The following ATP8A2 variants were observed in gnomAD, a reference collection of about 807,000 sequenced individuals.
The protein encoded by ATP8A2 is phospholipid-transporting ATPase IB.
A neutral mutation model predicts 165.6 loss-of-function variants in ATP8A2; 100 were observed. The ratio of observed to expected loss-of-function variants is 0.60; its 90% confidence interval spans 0.51 to 0.71. The LOEUF (loss-of-function observed/expected upper bound fraction) is 0.71, where lower values mean the gene tolerates loss of function less well. Among genes scored for constraint, ATP8A2 ranks in the 30% least tolerant of loss-of-function variants. The pLI is 0.00. For missense variants in ATP8A2, 1,227 were observed against 1,479.5 expected (o/e 0.83, Z 2.80); for synonymous variants, 543 against 548.8 (o/e 0.99, Z 0.15).
Position 25,559,734 on chromosome 13 carries a change from T to A in ATP8A2, c.1366T>A (p.Leu456Met). The A allele has an allele frequency of 6.2e-7, 1 of 1,613,704 alleles. No homozygotes were observed. The highest frequency in any genetic ancestry group is 2.2e-5 in the East Asian group (1 of 44,868). ...AGVTYGHFPELAREPSSDDFC... is the reference protein window; with the variant it reads ...AGVTYGHFPEMAREPSSDDFC... ...TTTCTCTGGCAGTCACTTCCCAGAA[T>A]TGGCAAGAGAGCCGTCTTCAGATGA... is the stretch of plus-strand genomic sequence containing the variant. The change falls in exon 15 of 37, where the codon TTG (leucine) becomes ATG (methionine). Residue 456 changes from leucine (L) to methionine (M), a missense_variant. Physicochemically the swap from Leu to Met is conservative, Grantham distance 15. Transcript: ENST00000381655.
intron 24 of ATP8A2, among the ~76,000 whole-genome samples, chr13:25,657,039 C>CGA (rs993288709): frequency 2.9e-5 from 3 of 101,888 alleles, no homozygotes; most frequent in African/African-American, 1.2e-4. Flanking sequence ...GGTGACAGAT[C>CGA]GAGACTCTGT....
At chr13:25,545,563 G>T (rs2038622354) in intron 10 of ATP8A2, among the ~76,000 whole-genome samples, 1 of 152,070 alleles carries the variant, frequency 6.6e-6, no homozygotes, top group Non-Finnish European at 1.5e-5. Context: ...AACTCCCATA[G>T]TGCAGTGTCA....
chr13:26,000,028 C>T lies in ATP8A2; in HGVS notation c.3378-12503C>T, dbSNP rs1007849571. ...GTAGGTCTGGAATACACTTGAGCCC[C>T]GAAGGTTTTCATTTCCTAATGATAA... On this transcript the variant is annotated intron_variant, in intron 35 of 36. Coordinates refer to ENST00000381655, the MANE Select transcript of ATP8A2 (RefSeq NM_016529.6). Among the ~76,000 whole-genome samples, 6 of 152,070 alleles carry T rather than the reference C, an allele frequency of 3.9e-5. No homozygotes were observed. In the East Asian group the frequency reaches 9.6e-4, roughly 24 times the overall value.
chr13:25,520,591 GT>G lies in ATP8A2; in HGVS notation c.222-9394del, dbSNP rs1294868641. 9.2e-3 allele frequency among the ~76,000 whole-genome samples: 1,227 copies of G among 132,936 alleles called. 16 individuals carry two copies. The highest frequency in any genetic ancestry group is 0.028 in the African/African-American group (1,030 of 36,750). The allele number at this position is 132,936 out of a possible 152,430, so 87.2% of individuals were successfully genotyped here. On this transcript the variant is annotated intron_variant, in intron 2 of 36. Coordinates refer to ENST00000381655, the MANE Select transcript of ATP8A2 (RefSeq NM_016529.6). ...GGATTATATGGCATTCCTATTTTTA[GT>G]TTTTTTTTTTTTTGTTTTTTTTTTT... is the stretch of plus-strand genomic sequence containing the variant.
At chr13:25,570,691 T>G (rs1374482439) in intron 16 of ATP8A2, 76 bp from the exon 17 acceptor site, 2 of 1,140,234 alleles carry the variant, frequency 1.8e-6, no homozygotes, top group East Asian at 4.7e-5. Flanking sequence ...GGATGTTAGT[T>G]GGGGATCTGC....
At chr13:25,483,344 G>A (rs1453371604) in intron 2 of ATP8A2, among the ~76,000 whole-genome samples, 4 of 152,162 alleles carry the variant, frequency 2.6e-5, no homozygotes, top group Admixed American at 2.0e-4. Context: ...CAAGGTGATT[G>A]ACCTCAGAAT....
At chr13:25,505,985 C>G (rs1017208049) in intron 2 of ATP8A2, among the ~76,000 whole-genome samples, 15 of 151,414 alleles carry the variant, frequency 9.9e-5, no homozygotes. Context: ...AAAGGTCAAG[C>G]AGCTTCTCCA....
chr13:25,864,788 C>T lies in ATP8A2; in HGVS notation c.3183+2380C>T, dbSNP rs143717321. Among the ~76,000 whole-genome samples the T allele has an allele frequency of 6.0e-3, 908 of 152,238 alleles. 8 individuals carry two copies. Among genetic ancestry groups the T allele is most frequent in the African/African-American group, 0.021 (861 of 41,546 alleles). ...AGGATTAATGTGGTTCTCTAGTGGC[C>T]GGACTTCCGAGTAGGTACTCTGCTG... On this transcript the variant is annotated intron_variant, in intron 33 of 36. Coordinates refer to ENST00000381655, the MANE Select transcript of ATP8A2 (RefSeq NM_016529.6).
At chr13:25,584,166 G>T (rs1702527034) in intron 23 of ATP8A2, among the ~76,000 whole-genome samples, 2 of 152,142 alleles carry the variant, frequency 1.3e-5, no homozygotes, top group African/African-American at 4.8e-5. Flanking sequence ...GTGACGCCGA[G>T]AATTTAAATG....
chr13:25,573,717 T>C (rs2039535008), intron 18 of ATP8A2, among the ~76,000 whole-genome samples: 1 of 152,092 alleles, frequency 6.6e-6, no homozygotes, highest in Admixed American at 6.6e-5. Flanking sequence ...TGGGTGGTGG[T>C]AGTAGCACTG....
rs557854665 is a variant in ATP8A2, at chr13:25,490,310, G to T, written c.221+21189G>T. Among the ~76,000 whole-genome samples the T allele has an allele frequency of 7.9e-5, 12 of 152,314 alleles. No homozygotes were observed. In the East Asian group the frequency reaches 2.3e-3, roughly 29 times the overall value. On this transcript the variant is annotated intron_variant, in intron 2 of 36. Transcript: ENST00000381655. ...CTTCACTCTTCACAGGGCTAGCCCC[G>T]TATAGCTTTAATTCCCACAGCACTT... is the stretch of plus-strand genomic sequence containing the variant.
At chr13:25,599,284 G>A (rs2040319588) in intron 24 of ATP8A2, among the ~76,000 whole-genome samples, 1 of 152,116 alleles carries the variant, frequency 6.6e-6, no homozygotes, top group African/African-American at 2.4e-5. Context: ...AACATTCTTT[G>A]TCTCCTCATA....
chr13:25,849,421 T>C (rs1951953058), intron 30 of ATP8A2, among the ~76,000 whole-genome samples: 1 of 152,258 alleles, frequency 6.6e-6, no homozygotes, highest in Non-Finnish European at 1.5e-5. Context: ...GATGATGTAA[T>C]GTTTTTAATG....
chr13:25,907,123 C>T (rs1031530017), intron 33 of ATP8A2, among the ~76,000 whole-genome samples: 9 of 152,148 alleles, frequency 5.9e-5, no homozygotes, highest in Non-Finnish European at 7.4e-5. Flanking sequence ...CCAGCTACTC[C>T]GGAGGCTGAG....
At chr13:25,654,147 A>T (rs2041875837) in intron 24 of ATP8A2, among the ~76,000 whole-genome samples, 1 of 152,186 alleles carries the variant, frequency 6.6e-6, no homozygotes, top group Non-Finnish European at 1.5e-5. Flanking sequence ...TCATTCATAG[A>T]ATACCTTTCA....
At chr13:25,767,214 T>C (rs2044510210) in intron 25 of ATP8A2, among the ~76,000 whole-genome samples, 1 of 152,232 alleles carries the variant, frequency 6.6e-6, no homozygotes, top group Non-Finnish European at 1.5e-5. Context: ...TTGCACAAAC[T>C]AGGCGGGAAT....
chr13:25,835,917 T>C (rs1175154470), intron 28 of ATP8A2, among the ~76,000 whole-genome samples: 3 of 152,176 alleles, frequency 2.0e-5, no homozygotes, highest in Non-Finnish European at 4.4e-5. Context: ...TGGCTTTTAT[T>C]AGCCATTCTG....
intron 24 of ATP8A2, among the ~76,000 whole-genome samples, chr13:25,641,089 T>C (rs1219405356): frequency 1.3e-5 from 2 of 152,204 alleles, no homozygotes; most frequent in Admixed American, 6.5e-5. Context: ...AAATTAGGTA[T>C]TGATGGGATG....
chr13:25,610,618 G>T (rs2040658494), intron 24 of ATP8A2, among the ~76,000 whole-genome samples: 1 of 152,052 alleles, frequency 6.6e-6, no homozygotes, highest in South Asian at 2.1e-4. Flanking sequence ...GGTTCCATGT[G>T]AATTTTAGGA....
Sources: gnomAD v4.1 joint callset for allele counts (sites outside exome capture counted in the v4.1 genomes callset) on GRCh38, gnomAD v4.1.1 for gene constraint, MANE v1.5 for transcripts, NCBI Gene and HGNC (gene_info 2026-07-23, HGNC 2026-07-21) for gene names.